SIPA1L3: variants seen among roughly 807,000 people sequenced by gnomAD.
The protein encoded by SIPA1L3 is signal induced proliferation associated 1 like 3.
SIPA1L3 carries 59 observed loss-of-function variants against 150.1 expected under a neutral mutation model. The ratio of observed to expected loss-of-function variants is 0.39; its 90% CI spans 0.32 to 0.49. The LOEUF (loss-of-function observed/expected upper bound fraction) is 0.49. Among genes scored for constraint, SIPA1L3 ranks in the 20% least tolerant of loss-of-function variants. The pLI is 0.86. For synonymous variants in SIPA1L3, 1,070 were observed against 1,077.6 expected, an observed-to-expected ratio of 0.99 and a Z score of 0.14; for missense variants, 2,211 against 2,489.5, an observed-to-expected ratio of 0.89 and a Z score of 2.38.
chr19:37,907,798 C>G (rs1421069547), intron 1 of SIPA1L3: 1 of 152,210 alleles, frequency 6.6e-6, no homozygotes, highest in East Asian at 1.9e-4. Flanking sequence ...AAGATGTTAT[C>G]GATTGCATAG....
chr19:38,053,576 G>A, intron 2 of SIPA1L3, among the ~76,000 whole-genome samples: 1 of 150,646 alleles, frequency 6.6e-6, no homozygotes, highest in South Asian at 2.1e-4. Flanking sequence ...TTTTTTTGGA[G>A]ATGGGGGTCT....
intron 7 of SIPA1L3, chr19:38,108,439 T>C (rs1450964446): frequency 1.3e-5 from 2 of 152,206 alleles, no homozygotes; most frequent in Admixed American, 1.3e-4. Flanking sequence ...ATTGAGATGA[T>C]GAATTGAAGA....
chr19:38,142,811 T>C (rs143295772), intron 12 of SIPA1L3, 101 bp downstream of exon 12: 25 of 1,443,454 alleles, frequency 1.7e-5, no homozygotes, highest in Non-Finnish European at 1.8e-5. Context: ...GTTGCCATTT[T>C]ATGGTGTTTC....
At chr19:38,062,329 G>A (rs1969463542) in intron 2 of SIPA1L3, among the ~76,000 whole-genome samples, 1 of 152,216 alleles carries the variant, frequency 6.6e-6, no homozygotes, top group Non-Finnish European at 1.5e-5. Flanking sequence ...AATGGCCATA[G>A]ATTTGACCTG....
chr19:38,019,716 T>G (rs1379304280), intron 1 of SIPA1L3, among the ~76,000 whole-genome samples: 1 of 152,166 alleles, frequency 6.6e-6, no homozygotes, highest in African/African-American at 2.4e-5. Flanking sequence ...GTGTGTCTGG[T>G]TGACCAGAGG....
rs775183969 is a variant in SIPA1L3, at chr19:38,119,445, G to A, written c.2431G>A (p.Asp811Asn). Reference protein sequence around the residue: ...INAENAAHKSDKFHTMATRTR... With the variant: ...INAENAAHKSNKFHTMATRTR... ...CGCTGAGAACGCCGCGCACAAGTCC[G>A]ACAAGTTCCACACCATGGCCACCAG... The change falls in exon 9 of 22, where the codon GAC (aspartate) becomes AAC (asparagine). Residue 811 changes from aspartate (D) to asparagine (N), a missense_variant. Asp to Asn is a conservative substitution (Grantham distance 23). Transcript: ENST00000222345. 1.7e-5 allele frequency: 27 copies of A among 1,613,980 alleles called. No individual in the cohort carries two copies. The Admixed American group carries it at 2.5e-4, about 15-fold the overall frequency.
intron 1 of SIPA1L3, among the ~76,000 whole-genome samples, chr19:38,002,895 A>G (rs1230322794): frequency 6.6e-6 from 1 of 152,008 alleles, no homozygotes; most frequent in Non-Finnish European, 1.5e-5. Context: ...CTGTAATCCC[A>G]GCACTTTGGG....
chr19:37,974,841 C>T (rs1188614067), intron 1 of SIPA1L3, among the ~76,000 whole-genome samples: 5 of 152,140 alleles, frequency 3.3e-5, no homozygotes, highest in Admixed American at 2.6e-4. Flanking sequence ...TCTAGGCCAG[C>T]CCTTCTCCCT....
chr19:38,035,536 C>T (rs757708501), intron 2 of SIPA1L3, among the ~76,000 whole-genome samples: 6 of 152,180 alleles, frequency 3.9e-5, no homozygotes, highest in Non-Finnish European at 8.8e-5. Flanking sequence ...AAGAGCACAG[C>T]TTTCCGGAAT....
intron 1 of SIPA1L3, among the ~76,000 whole-genome samples, chr19:37,958,472 T>C (rs1441704814): frequency 2.0e-5 from 3 of 152,152 alleles, no homozygotes; most frequent in Admixed American, 6.5e-5. Context: ...TGTGAAAGAA[T>C]GAAGTTGGAC....
chr19:38,203,392 TCTGTGC>T (rs1322141864), intron 20 of SIPA1L3, among the ~76,000 whole-genome samples: 1 of 152,220 alleles, frequency 6.6e-6, no homozygotes, highest in Non-Finnish European at 1.5e-5. Context: ...CGCCACCGCC[TCTGTGC>T]CTGTGCACGC....
intron 1 of SIPA1L3, among the ~76,000 whole-genome samples, chr19:37,933,767 A>G (rs965429011): frequency 1.6e-4 from 24 of 152,176 alleles, no homozygotes; most frequent in Non-Finnish European, 3.2e-4. Context: ...CAACCCCTGC[A>G]GTCTGTGCAG....
rs1197127777 is a variant in SIPA1L3 at position 37,981,509 on chromosome 19, C to T, written c.-378-47580C>T. 3.3e-5 allele frequency among the ~76,000 whole-genome samples: 5 copies of T among 151,642 alleles called. 1 individual carries two copies. Among genetic ancestry groups the T allele is most frequent in the Admixed American group, 2.0e-4 (3 of 15,192 alleles). On this transcript the variant is annotated intron_variant, in intron 1 of 21. Transcript: ENST00000222345. ...CTTCTTGTCCGTGTTGAGCAGGTTA[C>T]TTAACCTCTCTGTACTTGATTTTTG...
intron 1 of SIPA1L3, among the ~76,000 whole-genome samples, chr19:37,986,372 C>T (rs559500155): frequency 2.5e-4 from 38 of 152,212 alleles, no homozygotes; most frequent in Non-Finnish European, 7.3e-5. Context: ...CTTTCTCTTT[C>T]CTCTAGTTTC....
At chr19:37,932,849 G>C (rs1474501971) in intron 1 of SIPA1L3, among the ~76,000 whole-genome samples, 1 of 152,170 alleles carries the variant, frequency 6.6e-6, no homozygotes, top group East Asian at 1.9e-4. Context: ...TGTGAAGAAA[G>C]AGTGGGCCGG....
intron 2 of SIPA1L3, among the ~76,000 whole-genome samples, chr19:38,063,947 A>G (rs1969510662): frequency 6.6e-6 from 1 of 152,206 alleles, no homozygotes; most frequent in Non-Finnish European, 1.5e-5. Context: ...TGATGCCCCC[A>G]GTTAAGTACC....
At chr19:38,106,715 G>A in intron 7 of SIPA1L3, 75 bp downstream of exon 7, 2 of 999,714 alleles carry the variant, frequency 2.0e-6, no homozygotes, top group East Asian at 2.4e-5. Flanking sequence ...TCCCAGTTCT[G>A]TCCTGTGGAT....
intron 1 of SIPA1L3, among the ~76,000 whole-genome samples, chr19:37,938,022 G>A (rs1165613067): frequency 6.6e-6 from 1 of 152,032 alleles, no homozygotes; most frequent in Admixed American, 6.6e-5. Flanking sequence ...ACTCCAGCCT[G>A]GGCGACAGAG....
At chr19:37,970,642 A>C (rs1417470770) in intron 1 of SIPA1L3, among the ~76,000 whole-genome samples, 1 of 151,776 alleles carries the variant, frequency 6.6e-6, no homozygotes, top group Non-Finnish European at 1.5e-5. Context: ...AGGCGGTTGA[A>C]CCCTCCTCTC....
Sources: allele counts gnomAD v4.1 joint callset (sites outside exome capture counted in the v4.1 genomes callset), GRCh38; gene constraint gnomAD v4.1.1; transcripts MANE v1.5; gene names NCBI Gene and HGNC (gene_info 2026-07-23, HGNC 2026-07-21).